The following CA10 variants were observed in gnomAD, a reference collection of about 807,000 sequenced individuals.
The protein encoded by CA10 is carbonic anhydrase 10 (inactive).
In CA10, 14 loss-of-function variants were observed where a neutral mutation model predicts 44.2. That is an observed-to-expected ratio of 0.32 (90% CI 0.21 to 0.50). The LOEUF (loss-of-function observed/expected upper bound fraction) is 0.50. CA10 is among the 20% of genes least tolerant of loss of function. The pLI, the probability that CA10 is intolerant of heterozygous loss-of-function variation, is 0.99. For synonymous variants in CA10, 159 were observed against 141.6 expected (o/e 1.12, Z -0.87); for missense variants, 350 against 409.7 (o/e 0.85, Z 1.26).
At chr17:52,039,495 C>T (rs1488917083) in intron 2 of CA10, among the ~76,000 whole-genome samples, 1 of 151,986 alleles carries the variant, frequency 6.6e-6, no homozygotes, top group Non-Finnish European at 1.5e-5. Flanking sequence ...GATGGCTGAA[C>T]CAATGGGCTC....
At chr17:51,908,512 G>A (rs1567880956) in intron 3 of CA10, among the ~76,000 whole-genome samples, 2 of 152,296 alleles carry the variant, frequency 1.3e-5, no homozygotes, top group East Asian at 3.9e-4. Flanking sequence ...GTTCCTGCCT[G>A]CTAGATTTGA....
At chr17:52,145,716 A>G (rs939876263) in intron 1 of CA10, among the ~76,000 whole-genome samples, 1 of 152,192 alleles carries the variant, frequency 6.6e-6, no homozygotes, top group African/African-American at 2.4e-5. Flanking sequence ...GAGGTAAACC[A>G]TTGCTGAAAG....
chr17:52,089,992 C>T (rs549893181), intron 1 of CA10, among the ~76,000 whole-genome samples: 9 of 152,162 alleles, frequency 5.9e-5, no homozygotes, highest in East Asian at 1.9e-4. Flanking sequence ...TAGTATTTCA[C>T]GTATTCTCAG....
chr17:51,819,941 T>G (rs1567850150), intron 3 of CA10, among the ~76,000 whole-genome samples: 1 of 152,130 alleles, frequency 6.6e-6, no homozygotes, highest in Non-Finnish European at 1.5e-5. Context: ...TTTATCCCCC[T>G]CTCTGTCTCT....
intron 1 of CA10, among the ~76,000 whole-genome samples, chr17:52,073,189 C>T (rs1987730812): frequency 6.6e-6 from 1 of 152,174 alleles, no homozygotes; most frequent in Non-Finnish European, 1.5e-5. Flanking sequence ...AATTTGGCTA[C>T]TATTAATGTT....
chr17:52,066,826 G>A (rs1987550338), intron 2 of CA10, among the ~76,000 whole-genome samples: 3 of 152,212 alleles, frequency 2.0e-5, no homozygotes, highest in Admixed American at 1.3e-4. Flanking sequence ...GATCTGTGGA[G>A]CTTTGAACTT....
intron 2 of CA10, among the ~76,000 whole-genome samples, chr17:52,013,792 C>T (rs1209036048): frequency 6.6e-6 from 1 of 151,942 alleles, no homozygotes; most frequent in African/African-American, 2.4e-5. Flanking sequence ...CAGAACCCCA[C>T]TCTGATACCA....
chr17:51,817,704 A>G (rs1907618788), intron 3 of CA10, among the ~76,000 whole-genome samples: 1 of 152,168 alleles, frequency 6.6e-6, no homozygotes, highest in Admixed American at 6.5e-5. Context: ...GAAGGCATGC[A>G]TGGGGCAGAA....
rs578049209 is a variant in CA10 at position 51,984,588 on chromosome 17, A to C, written c.137-53456T>G. ...AAACAAAAAGCTGGTTCTTTGAAAA[A>C]ATAAATAAAATTGACAGACTATTAG... On this transcript the variant is annotated intron_variant, in intron 2 of 8. Transcript: ENST00000451037. 3.4e-4 allele frequency among the ~76,000 whole-genome samples: 51 copies of C among 151,954 alleles called. 1 individual carries two copies. The South Asian group carries it at 0.01, about 31-fold the overall frequency.
At chr17:51,701,293 C>T (rs1461879428) in intron 4 of CA10, among the ~76,000 whole-genome samples, 1 of 151,990 alleles carries the variant, frequency 6.6e-6, no homozygotes, top group African/African-American at 2.4e-5. Context: ...TCCCAATTTC[C>T]CTCTTCTCAT....
chr17:51,684,712 A>G (rs1304172031), intron 4 of CA10, among the ~76,000 whole-genome samples: 1 of 152,236 alleles, frequency 6.6e-6, no homozygotes, highest in Non-Finnish European at 1.5e-5. Flanking sequence ...TTATGCCTAC[A>G]TGACCTCTGT....
In CA10 at chr17:52,089,153, T is replaced by C. The variant is rs142616005; in HGVS notation, c.62-16760A>G. On this transcript the variant is annotated intron_variant, in intron 1 of 8. Coordinates refer to ENST00000451037, the MANE Select transcript of CA10 (RefSeq NM_020178.5). ...GCTGATGCAAATGTTGTACTCTAATTTTCAAGGTCAAAAAGATAGGATAGG... is the reference window on the plus strand; with the variant it reads ...GCTGATGCAAATGTTGTACTCTAATCTTCAAGGTCAAAAAGATAGGATAGG... Among the ~76,000 whole-genome samples the C allele has an allele frequency of 3.6e-3, 555 of 152,318 alleles. 5 individuals are homozygous for C. Among genetic ancestry groups the C allele is most frequent in the South Asian group, 0.029 (140 of 4,824 alleles).
intron 3 of CA10, among the ~76,000 whole-genome samples, chr17:51,783,605 G>GA (rs999282877): frequency 1.3e-5 from 2 of 151,616 alleles, no homozygotes; most frequent in African/African-American, 4.8e-5. Flanking sequence ...AAAGAAGAAG[G>GA]AAAAAAAGAA....
chr17:51,694,119 G>A (rs558140646), intron 4 of CA10, among the ~76,000 whole-genome samples: 12 of 151,920 alleles, frequency 7.9e-5, no homozygotes, highest in African/African-American at 1.2e-4. Flanking sequence ...CAGGAGAATC[G>A]CTTGAACCCG....
intron 2 of CA10, among the ~76,000 whole-genome samples, chr17:52,042,898 T>C (rs1438380099): frequency 1.3e-5 from 2 of 152,062 alleles, no homozygotes. Flanking sequence ...CAAAGATGCG[T>C]TGAGTGATGT....
At chr17:52,140,330 A>G (rs1989450301) in intron 1 of CA10, among the ~76,000 whole-genome samples, 1 of 152,182 alleles carries the variant, frequency 6.6e-6, no homozygotes, top group South Asian at 2.1e-4. Context: ...ATAGAAAGTA[A>G]TTTGAGCTTT....
chr17:51,820,043 C>T (rs1408146819), intron 3 of CA10, among the ~76,000 whole-genome samples: 1 of 152,036 alleles, frequency 6.6e-6, no homozygotes, highest in Non-Finnish European at 1.5e-5. Context: ...TTATAAGAAC[C>T]TGATGAGGCT....
chr17:51,744,229 C>T (rs1253994743), intron 4 of CA10, among the ~76,000 whole-genome samples: 2 of 151,510 alleles, frequency 1.3e-5, no homozygotes, highest in African/African-American at 2.4e-5. Flanking sequence ...GTAGGAGAAT[C>T]GCTTGAACCC....
intron 3 of CA10, among the ~76,000 whole-genome samples, chr17:51,830,195 C>CAAAAAAAAAAAAAAAAAAAAAAAAAAA (rs1220410518): frequency 2.2e-5 from 2 of 89,984 alleles, no homozygotes; most frequent in African/African-American, 9.6e-5. Context: ...GACTCCATCT[C>CAAAAAAAAAAAAAAAAAAAAAAAAAAA]AAAAAAAAAA....
Sources: allele counts gnomAD v4.1 joint callset (sites outside exome capture counted in the v4.1 genomes callset), GRCh38; gene constraint gnomAD v4.1.1; transcripts MANE v1.5; gene names NCBI Gene and HGNC (gene_info 2026-07-23, HGNC 2026-07-21).